ERN1: variants seen among roughly 807,000 people sequenced by gnomAD.
ERN1 encodes endoplasmic reticulum to nucleus signaling 1.
A neutral mutation model predicts 113.1 loss-of-function variants in ERN1; 39 were observed. The observed-to-expected ratio is 0.34, with a 90% CI of 0.27 to 0.45. The LOEUF (loss-of-function observed/expected upper bound fraction) is 0.45. Among genes scored for constraint, ERN1 ranks in the 20% least tolerant of loss-of-function variants. The pLI is 1.00. For missense variants in ERN1, 976 were observed against 1,274.8 expected (o/e 0.77, Z 3.57); for synonymous variants, 507 against 515.9 (o/e 0.98, Z 0.23).
At chr17:64,082,574 C>T (rs1472818819) in intron 2 of ERN1, among the ~76,000 whole-genome samples, 1 of 152,180 alleles carries the variant, frequency 6.6e-6, no homozygotes, top group Non-Finnish European at 1.5e-5. Flanking sequence ...TGGCCAAATT[C>T]CAGGAATTCA....
intron 11 of ERN1, among the ~76,000 whole-genome samples, chr17:64,059,164 C>A (rs755350241): frequency 1.3e-5 from 2 of 152,144 alleles, no homozygotes; most frequent in Non-Finnish European, 2.9e-5. Flanking sequence ...GATTATAGGA[C>A]AATGCTGTTT....
At chr17:64,057,506 C>G (rs1300278867) in intron 12 of ERN1, among the ~76,000 whole-genome samples, 1 of 152,118 alleles carries the variant, frequency 6.6e-6, no homozygotes, top group Non-Finnish European at 1.5e-5. Flanking sequence ...GTGGCTGGGA[C>G]TACAGGCCCC....
At chr17:64,090,607 A>C (rs1314057049) in intron 2 of ERN1, among the ~76,000 whole-genome samples, 4 of 152,232 alleles carry the variant, frequency 2.6e-5, no homozygotes, top group South Asian at 2.1e-4. Context: ...CACTTTATCC[A>C]TGTACTTCAA....
Position 64,130,071 on chromosome 17 carries a change from G to C in ERN1, c.-42C>G, listed in dbSNP as rs1320214492. 2.2e-6 allele frequency: 3 copies of C among 1,351,204 alleles called. No homozygotes were observed. Among genetic ancestry groups the C allele is most frequent in the African/African-American group, 3.1e-5 (2 of 65,228 alleles). The allele number at this position is 1,351,204 out of a possible 1,614,324, so 83.7% of individuals were successfully genotyped here. A position where few individuals can be genotyped will look rare whatever the true frequency, so the allele number is the denominator to read the frequency against. On this transcript the variant is annotated 5_prime_UTR_variant, in exon 1 of 22. Transcript: ENST00000433197. This position sits in a 1 kb window ranked among gnomAD's most constrained non-coding sequence, Gnocchi z 4.0. ...TGGCTCCGGGGGCGGTACGGACAGA[G>C]GACGGGGCGGGGGCGCCGCGACGAC...
intron 1 of ERN1, chr17:64,128,979 A>G (rs995362848): frequency 2.0e-5 from 3 of 152,154 alleles, no homozygotes; most frequent in Non-Finnish European, 2.9e-5. Flanking sequence ...TGATATCCCT[A>G]TTAAAGAGTA....
chr17:64,073,817 T>C (rs960726759), intron 5 of ERN1, among the ~76,000 whole-genome samples: 4 of 151,978 alleles, frequency 2.6e-5, no homozygotes, highest in African/African-American at 7.3e-5. Flanking sequence ...TTTAAAAATG[T>C]TTCTTCTGTA....
chr17:64,040,485 C>G lies in ERN1; in HGVS notation c.*3503G>C, dbSNP rs1187840646. The stretch of plus-strand genomic sequence containing the variant: ...CTGCATGAACGGTTTGATCAGCAAC[C>G]AATTAATCTCTCACTGCAGCAAGAA... On this transcript the variant is annotated 3_prime_UTR_variant, in exon 22 of 22. Transcript: ENST00000433197. 6.6e-6 allele frequency: 1 copy of G among 152,190 alleles called. No homozygotes were observed. The highest frequency in any genetic ancestry group is 2.4e-5 in the African/African-American group (1 of 41,418). 9.4% of individuals were successfully genotyped at this position (152,190 alleles called of 1,614,324 possible).
chr17:64,129,706 G>A, intron 1 of ERN1: 1 of 378,354 alleles, frequency 2.6e-6, no homozygotes, highest in African/African-American at 2.1e-5. Context: ...CGGGGTCCGG[G>A]GAGCCGCTGC....
intron 6 of ERN1, among the ~76,000 whole-genome samples, chr17:64,070,615 T>C (rs1913379766): frequency 6.6e-6 from 1 of 152,184 alleles, no homozygotes; most frequent in African/African-American, 2.4e-5. Context: ...GGGCCCAAGA[T>C]TAGTCTCACT....
At chr17:64,056,063 C>A (rs141586407) in intron 12 of ERN1, 115 bp from the exon 13 acceptor site, 15,901 of 1,427,514 alleles carry the variant, frequency 0.011, 111 homozygotes, top group Admixed American at 0.018. Flanking sequence ...TGTGACCCAA[C>A]AGGGCACAAA....
chr17:64,104,742 C>G (rs1024795410), intron 1 of ERN1, among the ~76,000 whole-genome samples: 1 of 152,032 alleles, frequency 6.6e-6, no homozygotes, highest in Non-Finnish European at 1.5e-5. Flanking sequence ...TCGCTTGAAT[C>G]CAGGAGGAAG....
At chr17:64,048,117 AGG>A in intron 18 of ERN1, 132 bp from the exon 19 acceptor site, 2 of 881,362 alleles carry the variant, frequency 2.3e-6, no homozygotes, top group Non-Finnish European at 3.3e-6. Context: ...TAAAATAATT[AGG>A]AACAGACACA....
At chr17:64,065,981 T>C (rs1213948501) in intron 8 of ERN1, among the ~76,000 whole-genome samples, 1 of 152,098 alleles carries the variant, frequency 6.6e-6, no homozygotes, top group Non-Finnish European at 1.5e-5. Context: ...TACCTTACAT[T>C]TGAATGCTGT....
At chr17:64,096,544 C>G (rs939011108) in intron 2 of ERN1, among the ~76,000 whole-genome samples, 1 of 152,060 alleles carries the variant, frequency 6.6e-6, no homozygotes, top group Admixed American at 6.6e-5. Flanking sequence ...TTGAGTCATC[C>G]CAAAACATTC....
chr17:64,070,738 C>A (rs1321170206), intron 6 of ERN1, among the ~76,000 whole-genome samples: 1 of 152,208 alleles, frequency 6.6e-6, no homozygotes, highest in Non-Finnish European at 1.5e-5. Flanking sequence ...GTAATGAATT[C>A]ATCCTAGGTT....
At chr17:64,066,091 C>T (rs1380216118) in intron 8 of ERN1, among the ~76,000 whole-genome samples, 2 of 152,058 alleles carry the variant, frequency 1.3e-5, no homozygotes. Context: ...TTAAGTGACT[C>T]GGTGATAGGC....
At chr17:64,047,769 A>G in intron 19 of ERN1, 89 bp downstream of exon 19, 1 of 1,276,306 alleles carries the variant, frequency 7.8e-7, no homozygotes, top group Non-Finnish European at 1.1e-6. Flanking sequence ...GTAATGGGCA[A>G]TTTATTTTAT....
Position 64,063,856 on chromosome 17 carries a change from G to T in ERN1, c.1087+130C>A. The T allele has an allele frequency of 1.3e-6, 1 of 769,242 alleles. No homozygotes were observed. The highest frequency in any genetic ancestry group is 2.1e-6 in the Non-Finnish European group (1 of 481,754). 47.7% of individuals were successfully genotyped at this position (769,242 alleles called of 1,614,324 possible). On this transcript the variant is annotated intron_variant, in intron 10 of 21. Coordinates refer to ENST00000433197, the MANE Select transcript of ERN1 (RefSeq NM_001433.5). The surrounding 1 kb of genome is among the most constrained non-coding windows in gnomAD (Gnocchi z 5.1). ...GGGTAAAAATGTCCCAAGGTCTCAGGGGCCAGCCGGGAAGGGCTCTGAGCA... is the reference window on the plus strand; with the variant it reads ...GGGTAAAAATGTCCCAAGGTCTCAGTGGCCAGCCGGGAAGGGCTCTGAGCA...
intron 1 of ERN1, among the ~76,000 whole-genome samples, chr17:64,117,904 T>C (rs1914853081): frequency 6.6e-6 from 1 of 152,218 alleles, no homozygotes; most frequent in Non-Finnish European, 1.5e-5. Context: ...AGAAGTTCCA[T>C]GAGGGCGGGG....
Sources: allele counts gnomAD v4.1 joint callset (sites outside exome capture counted in the v4.1 genomes callset), GRCh38; gene constraint gnomAD v4.1.1; non-coding constraint Gnocchi (gnomAD v3.1); transcripts MANE v1.5; gene names NCBI Gene and HGNC (gene_info 2026-07-23, HGNC 2026-07-21).